The following SRGN variants were observed in gnomAD, a reference collection of about 807,000 sequenced individuals.
The protein encoded by SRGN is hematopoetic proteoglycan core peptide.
SRGN carries 2 observed loss-of-function variants against 9.5 expected under a neutral mutation model. The ratio of observed to expected loss-of-function variants is 0.21; its 90% CI spans 0.09 to 0.66. SRGN has a LOEUF of 0.66. Ranked by LOEUF, SRGN falls within the 30% of genes least tolerant of loss-of-function variation. The pLI, the probability that SRGN is intolerant of heterozygous loss-of-function variation, is 0.83. For missense variants in SRGN, 170 were observed against 192.4 expected, an observed-to-expected ratio of 0.88 and a Z score of 0.69; for synonymous variants, 59 against 72.3, an observed-to-expected ratio of 0.82 and a Z score of 0.93.
At chr10:69,099,706 C>T (rs1840251679) in intron 2 of SRGN, among the ~76,000 whole-genome samples, 1 of 152,218 alleles carries the variant, frequency 6.6e-6, no homozygotes, top group Non-Finnish European at 1.5e-5. Flanking sequence ...TGTAGTCCTA[C>T]TCTTGCATTC....
intron 2 of SRGN, among the ~76,000 whole-genome samples, chr10:69,098,975 T>A (rs1407747822): frequency 2.0e-5 from 3 of 150,668 alleles, no homozygotes; most frequent in Non-Finnish European, 4.4e-5. Flanking sequence ...AAAAAAAAAA[T>A]TAGGGAAAGG....
intron 2 of SRGN, 149 bp downstream of exon 2, chr10:69,097,380 C>T (rs1044737021): frequency 7.0e-6 from 4 of 571,780 alleles, no homozygotes; most frequent in Middle Eastern, 5.0e-4. Context: ...CCTGCTTCAG[C>T]CTCTGGAGCA....
chr10:69,104,111 T>C lies in SRGN; in HGVS notation c.468T>C (p.Phe156=), dbSNP rs1840348910. ...GTCAACATGGATTAGAAGAGGATTT[T>C]ATGTTATAAAAGAGGATTTTCCCAC... is the stretch of plus-strand genomic sequence containing the variant. The part of the protein sequence containing the change: ...DLGQHGLEED[F]ML Residue 156 remains phenylalanine, a synonymous_variant, in exon 3 of 3, where the codon TTT becomes TTC. Transcript: ENST00000242465. 1 of 1,612,920 alleles carries C rather than the reference T, an allele frequency of 6.2e-7. No individual in the cohort carries two copies. The highest frequency in any genetic ancestry group is 2.2e-5 in the East Asian group (1 of 44,856).
At chr10:69,101,965 C>T (rs747187527) in intron 2 of SRGN, among the ~76,000 whole-genome samples, 19 of 152,016 alleles carry the variant, frequency 1.2e-4, no homozygotes, top group Non-Finnish European at 2.5e-4. Context: ...GGGAGGATGG[C>T]TTGAGTCCGG....
chr10:69,100,440 T>A (rs1840265913), intron 2 of SRGN, among the ~76,000 whole-genome samples: 1 of 152,074 alleles, frequency 6.6e-6, no homozygotes, highest in Admixed American at 6.6e-5. Context: ...CAATTAAAAC[T>A]AAAATTAAAA....
rs1255230752 is a variant in SRGN at position 69,088,215 on chromosome 10, G to A, written c.58G>A (p.Val20Ile). 1 of 1,614,104 alleles carries A rather than the reference G, an allele frequency of 6.2e-7. No individual in the cohort carries two copies. The highest frequency in any genetic ancestry group is 1.7e-5 in the Admixed American group (1 of 59,990). Residue 20 changes from valine (V) to isoleucine (I), a missense_variant, in exon 1 of 3, where the codon GTT (valine) becomes ATT (isoleucine). Physicochemically the swap from Val to Ile is conservative, Grantham distance 29 (BLOSUM62 3). Coordinates refer to ENST00000242465, the MANE Select transcript of SRGN (RefSeq NM_002727.4). ...RLVLALALIL[V>I]LESSVQGYPT... ...TGTCCTGGCTCTTGCCCTCATCCTG[G>A]TTCTGGAATCCTCAGTTCAAGGTAA...
rs1589332961 is a variant in SRGN, at chr10:69,103,847, TCCCA to T, written c.228-23_228-20del. On this transcript the variant is annotated intron_variant, in intron 2 of 2. Transcript: ENST00000242465. ...ACATATCAAACTCCACTGGTTTTTT[TCCCA>T]TTTTTCTTTCATACTTCAGAAAGAC... is the stretch of plus-strand genomic sequence containing the variant. 4 of 1,608,464 alleles carry T rather than the reference TCCCA, an allele frequency of 2.5e-6. No homozygotes were observed. Among genetic ancestry groups the T allele is most frequent in the Admixed American group, 1.7e-5 (1 of 59,632 alleles).
chr10:69,090,485 G>A (rs923963074), intron 1 of SRGN, among the ~76,000 whole-genome samples: 1 of 152,112 alleles, frequency 6.6e-6, no homozygotes, highest in Non-Finnish European at 1.5e-5. Context: ...TGGCAGGGTC[G>A]ATCGCATTCT....
chr10:69,092,985 C>T (rs900437112), intron 1 of SRGN, among the ~76,000 whole-genome samples: 1 of 152,140 alleles, frequency 6.6e-6, no homozygotes, highest in Non-Finnish European at 1.5e-5. Flanking sequence ...TAATATGCTA[C>T]AGTTGTATTT....
chr10:69,093,456 T>A (rs1267547582), intron 1 of SRGN, among the ~76,000 whole-genome samples: 1 of 152,214 alleles, frequency 6.6e-6, no homozygotes, highest in Non-Finnish European at 1.5e-5. Flanking sequence ...GTCTAGACAG[T>A]ACAAGGTGTG....
At chr10:69,101,002 T>A (rs1349386291) in intron 2 of SRGN, among the ~76,000 whole-genome samples, 3 of 150,662 alleles carry the variant, frequency 2.0e-5, no homozygotes, top group African/African-American at 4.9e-5. Context: ...TTTTTTTTTT[T>A]ACAGAGTCTC....
chr10:69,088,034 G>T, upstream of SRGN: 29 of 693,624 alleles, frequency 4.2e-5, no homozygotes, highest in South Asian at 5.0e-5. Flanking sequence ...TCAGGAAATT[G>T]TGACGTGTGT....
At chr10:69,098,701 G>A (rs1238306343) in intron 2 of SRGN, 1 of 152,218 alleles carries the variant, frequency 6.6e-6, no homozygotes, top group African/African-American at 2.4e-5. Flanking sequence ...GCTCATGCCT[G>A]TAATCCCAGC....
intron 1 of SRGN, among the ~76,000 whole-genome samples, chr10:69,089,931 A>C (rs1401028529): frequency 6.6e-6 from 1 of 152,176 alleles, no homozygotes; most frequent in Non-Finnish European, 1.5e-5. Context: ...AAGAAAGGAA[A>C]GAAAGAAAGA....
intron 2 of SRGN, chr10:69,098,675 A>G (rs993342613): frequency 1.3e-5 from 2 of 151,288 alleles, no homozygotes. Context: ...ATTTTTAAAA[A>G]TGGCCAGGTG....
intron 2 of SRGN, 72 bp from the exon 3 acceptor site, chr10:69,103,799 A>T: frequency 6.6e-7 from 1 of 1,512,762 alleles, no homozygotes; most frequent in Non-Finnish European, 8.9e-7. Flanking sequence ...TATATTAAAA[A>T]AACTATTATA....
At chr10:69,098,904 C>G (rs1457025661) in intron 2 of SRGN, 1 of 151,942 alleles carries the variant, frequency 6.6e-6, no homozygotes, top group African/African-American at 2.4e-5. Flanking sequence ...CTGCAGTGAA[C>G]CCTATTTATG....
At chr10:69,096,182 C>G (rs1840172076) in intron 1 of SRGN, among the ~76,000 whole-genome samples, 1 of 152,166 alleles carries the variant, frequency 6.6e-6, no homozygotes, top group African/African-American at 2.4e-5. Context: ...GGGTACTCCA[C>G]AGTGTGTTCC....
At chr10:69,099,192 G>C (rs1473728300) in intron 2 of SRGN, among the ~76,000 whole-genome samples, 1 of 151,946 alleles carries the variant, frequency 6.6e-6, no homozygotes, top group Non-Finnish European at 1.5e-5. Flanking sequence ...TATCATAAAA[G>C]TTTTAATCTC....
Sources: gnomAD v4.1 joint callset for allele counts (sites outside exome capture counted in the v4.1 genomes callset) on GRCh38, gnomAD v4.1.1 for gene constraint, MANE v1.5 for transcripts, NCBI Gene and HGNC (gene_info 2026-07-23, HGNC 2026-07-21) for gene names.